RABGAP1L: variants seen among roughly 807,000 people sequenced by gnomAD.
RABGAP1L encodes the protein RAB GTPase activating protein 1 like, also known as rab GTPase-activating protein 1-like.
A neutral mutation model predicts 137.7 loss-of-function variants in RABGAP1L; 63 were observed. The observed-to-expected ratio is 0.46, with a 90% CI of 0.37 to 0.56. The LOEUF (loss-of-function observed/expected upper bound fraction) is 0.56. Ranked by LOEUF, RABGAP1L falls within the 20% of genes least tolerant of loss-of-function variation. The pLI is 0.00. For synonymous variants in RABGAP1L, 431 were observed against 433.7 expected (o/e 0.99, Z 0.08); for missense variants, 1,095 against 1,244.0 (o/e 0.88, Z 1.80).
At chr1:174,954,029 G>GT (rs1668133378) in intron 19 of RABGAP1L, 1 of 152,154 alleles carries the variant, frequency 6.6e-6, no homozygotes, top group Non-Finnish European at 1.5e-5. Flanking sequence ...TACCTAAGAG[G>GT]TTTTTAAATT....
intron 13 of RABGAP1L, among the ~76,000 whole-genome samples, chr1:174,482,271 T>TA (rs1659177582): frequency 6.6e-6 from 1 of 152,232 alleles, no homozygotes; most frequent in Non-Finnish European, 1.5e-5. Flanking sequence ...ATGTCAGACT[T>TA]ACGACTTACC....
chr1:174,982,690 A>T, intron 23 of RABGAP1L, 144 bp from the exon 24 acceptor site: 1 of 733,600 alleles, frequency 1.4e-6, no homozygotes, highest in Non-Finnish European at 2.2e-6. Flanking sequence ...TTCCGAAATG[A>T]CTGGCATTTG....
intron 13 of RABGAP1L, among the ~76,000 whole-genome samples, chr1:174,576,004 G>A (rs983422773): frequency 1.3e-5 from 2 of 152,186 alleles, no homozygotes; most frequent in Admixed American, 6.5e-5. Context: ...GTATGCAGAA[G>A]TACAGTATAC....
intron 18 of RABGAP1L, among the ~76,000 whole-genome samples, chr1:174,778,081 G>T (rs577637763): frequency 1.2e-4 from 18 of 152,016 alleles, no homozygotes; most frequent in Non-Finnish European, 2.4e-4. Context: ...CCAAGCAAAA[G>T]AAATATGAAG....
intron 13 of RABGAP1L, among the ~76,000 whole-genome samples, chr1:174,590,549 G>C (rs1368132057): frequency 1.1e-5 from 1 of 94,800 alleles, no homozygotes; most frequent in Non-Finnish European, 2.0e-5. Flanking sequence ...CCCTTCCTGT[G>C]TCCAAGTGAT....
At chr1:174,536,519 G>C (rs374086622) in intron 13 of RABGAP1L, among the ~76,000 whole-genome samples, 1 of 151,940 alleles carries the variant, frequency 6.6e-6, no homozygotes, top group Non-Finnish European at 1.5e-5. Context: ...TATGTGGGAA[G>C]AATTATGCTT....
chr1:174,320,517 G>C (rs563713527), intron 11 of RABGAP1L, among the ~76,000 whole-genome samples: 1 of 152,274 alleles, frequency 6.6e-6, no homozygotes, highest in Middle Eastern at 3.4e-3. Flanking sequence ...TGGCTATCGT[G>C]AATTGTTGCG....
chr1:174,179,369 A>G (rs554799571), intron 1 of RABGAP1L, among the ~76,000 whole-genome samples: 1 of 152,316 alleles, frequency 6.6e-6, no homozygotes, highest in Non-Finnish European at 1.5e-5. Context: ...GGTTAATTTA[A>G]CTTGCCACTC....
At chr1:174,591,644 C>T (rs1295944577) in intron 13 of RABGAP1L, among the ~76,000 whole-genome samples, 1 of 53,402 alleles carries the variant, frequency 1.9e-5, no homozygotes, top group Non-Finnish European at 3.0e-5. Flanking sequence ...TCAGGTTTGT[C>T]AAAGATCAGA....
chr1:174,497,470 G>A (rs1660850113), intron 13 of RABGAP1L, among the ~76,000 whole-genome samples: 1 of 152,154 alleles, frequency 6.6e-6, no homozygotes, highest in Non-Finnish European at 1.5e-5. Context: ...TTTCAGCCCT[G>A]TCCTTCAAAA....
At chr1:174,497,931 A>T (rs1660892527) in intron 13 of RABGAP1L, among the ~76,000 whole-genome samples, 1 of 152,216 alleles carries the variant, frequency 6.6e-6, no homozygotes, top group Admixed American at 6.5e-5. Context: ...AATTAATTTT[A>T]CTGACTGATT....
intron 13 of RABGAP1L, among the ~76,000 whole-genome samples, chr1:174,629,803 C>G (rs1157725376): frequency 6.6e-6 from 1 of 152,134 alleles, no homozygotes; most frequent in Non-Finnish European, 1.5e-5. Flanking sequence ...GGATTACAGG[C>G]GTGAGCCATC....
At chr1:174,595,995 G>C (rs896667109) in intron 13 of RABGAP1L, among the ~76,000 whole-genome samples, 1 of 102,714 alleles carries the variant, frequency 9.7e-6, no homozygotes, top group African/African-American at 5.9e-5. Context: ...TGCTGTGCTA[G>C]CAATCAGCGA....
chr1:174,889,678 A>C (rs1655797911), intron 19 of RABGAP1L, among the ~76,000 whole-genome samples: 1 of 151,140 alleles, frequency 6.6e-6, no homozygotes, highest in Non-Finnish European at 1.5e-5. Flanking sequence ...CAATCCTCCC[A>C]CCTCAGCCTC....
chr1:174,212,860 A>G (rs1332213958), intron 1 of RABGAP1L, among the ~76,000 whole-genome samples: 1 of 152,178 alleles, frequency 6.6e-6, no homozygotes, highest in Non-Finnish European at 1.5e-5. Context: ...AGGAGGCATT[A>G]CAGTTGATAT....
intron 11 of RABGAP1L, among the ~76,000 whole-genome samples, chr1:174,369,563 A>T (rs1684928101): frequency 6.6e-6 from 1 of 152,222 alleles, no homozygotes; most frequent in Non-Finnish European, 1.5e-5. Context: ...TATAAAAGAT[A>T]GTTGTTTACA....
chr1:174,686,606 T>C (rs943008727), intron 15 of RABGAP1L, among the ~76,000 whole-genome samples: 1 of 151,676 alleles, frequency 6.6e-6, no homozygotes, highest in Middle Eastern at 3.4e-3. Flanking sequence ...GAAGCTGAAG[T>C]TCAAGACATG....
intron 17 of RABGAP1L, among the ~76,000 whole-genome samples, chr1:174,748,361 G>A (rs988047261): frequency 8.5e-5 from 13 of 152,170 alleles, no homozygotes; most frequent in African/African-American, 2.9e-4. Flanking sequence ...CACTGTGTGA[G>A]AATATCTCAC....
intron 17 of RABGAP1L, among the ~76,000 whole-genome samples, chr1:174,708,649 C>T (rs1680242558): frequency 6.6e-6 from 1 of 152,216 alleles, no homozygotes; most frequent in Non-Finnish European, 1.5e-5. Flanking sequence ...TCGCAACCTA[C>T]AGACCAGGAG....
Sources: gnomAD v4.1 joint callset for allele counts (sites outside exome capture counted in the v4.1 genomes callset) on GRCh38, gnomAD v4.1.1 for gene constraint, MANE v1.5 for transcripts, NCBI Gene and HGNC (gene_info 2026-07-23, HGNC 2026-07-21) for gene names.